Variants in IGF2R observed in about 807,000 individuals in gnomAD.
IGF2R encodes the protein insulin like growth factor 2 receptor, also known as cation-independent mannose-6-phosphate receptor.
IGF2R carries 91 observed loss-of-function variants against 270.6 expected under a neutral mutation model. The ratio of observed to expected loss-of-function variants is 0.34; its 90% CI spans 0.28 to 0.40. IGF2R has a LOEUF of 0.40. Among genes scored for constraint, IGF2R ranks in the 10% least tolerant of loss-of-function variants. The pLI is 1.00. For missense variants in IGF2R, 2,805 were observed against 3,188.3 expected (o/e 0.88, Z 2.90); for synonymous variants, 1,316 against 1,258.9 (o/e 1.05, Z -0.96).
chr6:159,986,975 A>C (rs1037448324), intron 1 of IGF2R, among the ~76,000 whole-genome samples: 1 of 152,204 alleles, frequency 6.6e-6, no homozygotes, highest in Non-Finnish European at 1.5e-5. Flanking sequence ...TATTCCTCAA[A>C]GATATCATTA....
chr6:160,088,249 C>A, intron 42 of IGF2R, 102 bp downstream of exon 42: 2 of 769,534 alleles, frequency 2.6e-6, no homozygotes, highest in Non-Finnish European at 2.3e-6. Flanking sequence ...GTCTTAGGAG[C>A]TCAGGGCCAG....
In IGF2R at chr6:160,108,512, G is replaced by A. The variant is rs1031718166; in HGVS notation, c.*3428G>A. On this transcript the variant is annotated 3_prime_UTR_variant, in exon 48 of 48. Transcript: ENST00000356956. The stretch of plus-strand genomic sequence containing the variant: ...GATGGAGACGCTTCAGCAACCAGAT[G>A]GGAGGTTGGGCATGGGAGCTGTGGC... 1 of 152,322 alleles carries A rather than the reference G, an allele frequency of 6.6e-6. No individual in the cohort carries two copies. The highest frequency in any genetic ancestry group is 2.4e-5 in the African/African-American group (1 of 41,432). The allele number at this position is 152,322 out of a possible 1,614,324, so 9.4% of individuals were successfully genotyped here. A position where few individuals can be genotyped will look rare whatever the true frequency, so the allele number is the denominator to read the frequency against.
rs533836639 is a variant in IGF2R, at chr6:160,075,233, C to T, written c.5167-614C>T. 3.3e-5 allele frequency among the ~76,000 whole-genome samples: 5 copies of T among 152,260 alleles called. No individual in the cohort carries two copies. In the East Asian group the frequency reaches 9.6e-4, roughly 29 times the overall value. On this transcript the variant is annotated intron_variant, in intron 35 of 47. Transcript: ENST00000356956. ...TTTTTGTTTTTTTTCTCATAATACT[C>T]AGACTGGTCTTTTATTTATTTGTTT...
intron 31 of IGF2R, among the ~76,000 whole-genome samples, chr6:160,071,694 G>GT (rs2115274062): frequency 6.6e-6 from 1 of 152,276 alleles, no homozygotes; most frequent in East Asian, 1.9e-4. Flanking sequence ...GCCTGTGGGT[G>GT]TTTCACTTAC....
chr6:160,003,133 CT>C (rs1465299550), intron 2 of IGF2R, among the ~76,000 whole-genome samples: 27 of 152,330 alleles, frequency 1.8e-4, no homozygotes, highest in African/African-American at 6.0e-4. Flanking sequence ...AGCCTGGCCC[CT>C]GACTTCCAGT....
At chr6:160,007,598 A>G (rs1197983487) in intron 2 of IGF2R, 2 of 152,166 alleles carry the variant, frequency 1.3e-5, no homozygotes, top group African/African-American at 4.8e-5. Context: ...GGATATTAAG[A>G]TCCACCATTG....
intron 44 of IGF2R, among the ~76,000 whole-genome samples, chr6:160,091,839 C>G (rs559468308): frequency 6.6e-6 from 1 of 152,312 alleles, no homozygotes; most frequent in Admixed American, 6.5e-5. Flanking sequence ...AGTCTAGGCT[C>G]TCTCTGACAC....
At chr6:160,012,747 A>T (rs768975388) in intron 4 of IGF2R, among the ~76,000 whole-genome samples, 7 of 69,336 alleles carry the variant, frequency 1.0e-4, no homozygotes, top group Admixed American at 3.8e-4. Flanking sequence ...CGGCTAATTT[A>T]TATATATATA....
At chr6:159,985,549 C>T (rs936997532) in intron 1 of IGF2R, among the ~76,000 whole-genome samples, 2 of 152,224 alleles carry the variant, frequency 1.3e-5, no homozygotes, top group African/African-American at 4.8e-5. Flanking sequence ...CTTCTCAAGC[C>T]ATCAGTAGAG....
intron 10 of IGF2R, among the ~76,000 whole-genome samples, chr6:160,036,222 G>A (rs913170692): frequency 6.6e-6 from 1 of 152,112 alleles, no homozygotes; most frequent in South Asian, 2.1e-4. Flanking sequence ...GATGGACCTC[G>A]CATCTGGTCT....
chr6:160,044,469 T>A, intron 12 of IGF2R, 45 bp from the exon 13 acceptor site: 2 of 1,455,798 alleles, frequency 1.4e-6, no homozygotes, highest in Non-Finnish European at 1.9e-6. Flanking sequence ...TGCGTGATGA[T>A]CATTTTTAAC....
rs544420934 is a variant in IGF2R at position 160,073,591 on chromosome 6, C to T, written c.4947+122C>T. ...GCTGAACTGTCCACTCCTGATCACC[C>T]CAATAATAAAGTTGACTGGAAGTGC... On this transcript the variant is annotated intron_variant, in intron 34 of 47. Coordinates refer to ENST00000356956, the MANE Select transcript of IGF2R (RefSeq NM_000876.4). 110 of 1,234,540 alleles carry T rather than the reference C, an allele frequency of 8.9e-5. No homozygotes were observed. The East Asian group carries it at 2.6e-3, about 30-fold the overall frequency. The allele number at this position is 1,234,540 out of a possible 1,614,324, so 76.5% of individuals were successfully genotyped here.
At chr6:160,001,262 G>A (rs1486434955) in intron 2 of IGF2R, among the ~76,000 whole-genome samples, 2 of 151,986 alleles carry the variant, frequency 1.3e-5, no homozygotes, top group Admixed American at 6.6e-5. Flanking sequence ...ATAGGAGCGC[G>A]AACCCTATTG....
intron 23 of IGF2R, among the ~76,000 whole-genome samples, chr6:160,061,145 G>A (rs1168939044): frequency 6.6e-6 from 1 of 152,136 alleles, no homozygotes. Flanking sequence ...CTGCAACAGT[G>A]GTACTTCCTT....
chr6:159,972,132 A>G (rs1783618135), intron 1 of IGF2R, among the ~76,000 whole-genome samples: 1 of 152,090 alleles, frequency 6.6e-6, no homozygotes. Flanking sequence ...TTAATTTGAT[A>G]CAAAAAATTT....
rs752788467 is a variant in IGF2R, at chr6:159,998,333, AC to A, written c.289+7011del. ...GACTGATGCCAGATGGAGGCAACTT[AC>A]TTGAAGGATAATTTGTGAGCTTGGC... On this transcript the variant is annotated intron_variant, in intron 2 of 47. Coordinates refer to ENST00000356956, the MANE Select transcript of IGF2R (RefSeq NM_000876.4). This position sits in a 1 kb window ranked among gnomAD's most constrained non-coding sequence, Gnocchi z 4.1. Among the ~76,000 whole-genome samples, 2 of 152,212 alleles carry A rather than the reference AC, an allele frequency of 1.3e-5. No homozygotes were observed. Among genetic ancestry groups the A allele is most frequent in the Non-Finnish European group, 2.9e-5 (2 of 68,040 alleles).
At chr6:159,989,882 A>G (rs960970552) in intron 1 of IGF2R, among the ~76,000 whole-genome samples, 6 of 152,262 alleles carry the variant, frequency 3.9e-5, no homozygotes, top group African/African-American at 9.6e-5. Context: ...TTGTTTTCAC[A>G]GAACCGGGAA....
At chr6:160,074,651 G>T (rs1050345707) in intron 35 of IGF2R, among the ~76,000 whole-genome samples, 3 of 152,014 alleles carry the variant, frequency 2.0e-5, no homozygotes, top group African/African-American at 7.2e-5. Flanking sequence ...TCAAATCCTT[G>T]GTATGTTTTA....
chr6:160,017,886 T>TA (rs1777342669), intron 4 of IGF2R, among the ~76,000 whole-genome samples: 2 of 152,206 alleles, frequency 1.3e-5, no homozygotes, highest in South Asian at 4.1e-4. Flanking sequence ...AAAAGTTTGA[T>TA]ACTTGCTATC....
Sources: allele counts gnomAD v4.1 joint callset (sites outside exome capture counted in the v4.1 genomes callset), GRCh38; gene constraint gnomAD v4.1.1; non-coding constraint Gnocchi (gnomAD v3.1); transcripts MANE v1.5; gene names NCBI Gene and HGNC (gene_info 2026-07-23, HGNC 2026-07-21).